RAPGEF6: variants seen among roughly 807,000 people sequenced by gnomAD.
The protein encoded by RAPGEF6 is PDZ domain containing guanine nucleotide exchange factor (GEF) 2.
RAPGEF6 carries 56 observed loss-of-function variants against 171.4 expected under a neutral mutation model. The observed-to-expected ratio is 0.33, with a 90% CI of 0.26 to 0.41. RAPGEF6 has a LOEUF of 0.41. Among genes scored for constraint, RAPGEF6 ranks in the 10% least tolerant of loss-of-function variants. RAPGEF6 has a pLI of 1.00. For synonymous variants in RAPGEF6, 692 were observed against 650.1 expected (o/e 1.06, Z -0.98); for missense variants, 1,674 against 1,921.4 (o/e 0.87, Z 2.41).
At chr5:131,607,920 T>C (rs985219979) in intron 1 of RAPGEF6, among the ~76,000 whole-genome samples, 1 of 152,058 alleles carries the variant, frequency 6.6e-6, no homozygotes, top group Admixed American at 6.5e-5. Context: ...AAAAGACAAA[T>C]ATATAAAACG....
chr5:131,491,516 A>T (rs997120016), intron 14 of RAPGEF6, among the ~76,000 whole-genome samples: 1 of 152,168 alleles, frequency 6.6e-6, no homozygotes, highest in Admixed American at 6.5e-5. Flanking sequence ...GTACATGAGA[A>T]TCATCTAGAG....
At chr5:131,608,387 TC>T (rs1421780610) in intron 1 of RAPGEF6, among the ~76,000 whole-genome samples, 2 of 152,198 alleles carry the variant, frequency 1.3e-5, no homozygotes, top group African/African-American at 2.4e-5. Flanking sequence ...TACAAATAGG[TC>T]TTCCTAAGGA....
chr5:131,578,001 C>T (rs541763619), intron 4 of RAPGEF6, among the ~76,000 whole-genome samples: 1 of 152,302 alleles, frequency 6.6e-6, no homozygotes, highest in Admixed American at 6.5e-5. Flanking sequence ...CTCCTATTCA[C>T]CATTCTCAAC....
chr5:131,633,988 A>G (rs1766474708), intron 1 of RAPGEF6, among the ~76,000 whole-genome samples: 1 of 152,248 alleles, frequency 6.6e-6, no homozygotes, highest in African/African-American at 2.4e-5. Flanking sequence ...GATCTTCAAT[A>G]ACATAATTTG....
chr5:131,492,117 T>C (rs1300689982), intron 14 of RAPGEF6, among the ~76,000 whole-genome samples: 1 of 152,234 alleles, frequency 6.6e-6, no homozygotes, highest in Non-Finnish European at 1.5e-5. Context: ...ACTTTGCTTA[T>C]GGATATAGTT....
chr5:131,487,783 T>C lies in RAPGEF6; in HGVS notation c.1840+1763A>G, dbSNP rs559927644. ...GTCACAGGTTTCCTTTTTGTAGGTG[T>C]CCTCACTGTAAGTTTGATACAGGAC... On this transcript the variant is annotated intron_variant, in intron 15 of 27. Coordinates refer to ENST00000509018, the MANE Select transcript of RAPGEF6 (RefSeq NM_016340.6). Among the ~76,000 whole-genome samples the C allele has an allele frequency of 3.3e-5, 5 of 152,324 alleles. No homozygotes were observed. The East Asian group carries it at 9.6e-4, about 29-fold the overall frequency.
intron 4 of RAPGEF6, among the ~76,000 whole-genome samples, chr5:131,566,324 T>C (rs1467237787): frequency 6.6e-6 from 1 of 152,210 alleles, no homozygotes; most frequent in Non-Finnish European, 1.5e-5. Context: ...TTTTTCTGCA[T>C]TTATTGAAAG....
intron 4 of RAPGEF6, among the ~76,000 whole-genome samples, chr5:131,569,290 T>C (rs1012672587): frequency 2.6e-5 from 4 of 152,102 alleles, no homozygotes; most frequent in South Asian, 2.1e-4. Context: ...ACGAACAAAG[T>C]TGTAAGACTT....
intron 4 of RAPGEF6, among the ~76,000 whole-genome samples, chr5:131,588,515 G>A (rs1467798149): frequency 1.3e-5 from 2 of 152,146 alleles, no homozygotes; most frequent in African/African-American, 2.4e-5. Context: ...GGCCAACGCA[G>A]GTGGATCACT....
chr5:131,625,660 A>C (rs1765872066), intron 1 of RAPGEF6, among the ~76,000 whole-genome samples: 1 of 152,010 alleles, frequency 6.6e-6, no homozygotes, highest in African/African-American at 2.4e-5. Context: ...CTAAAAATAC[A>C]AAAAAATTAG....
rs569030002 is a variant in RAPGEF6 at position 131,465,419 on chromosome 5, T to C, written c.2240-1138A>G. On this transcript the variant is annotated intron_variant, in intron 17 of 27. Coordinates refer to ENST00000509018, the MANE Select transcript of RAPGEF6 (RefSeq NM_016340.6). ...TAAATTTAAGTGAAAAGTGACTTTATAGCATGAACAAATGCTAAAAATTTT... is the reference window on the plus strand; with the variant it reads ...TAAATTTAAGTGAAAAGTGACTTTACAGCATGAACAAATGCTAAAAATTTT... Among the ~76,000 whole-genome samples the C allele has an allele frequency of 1.9e-3, 295 of 152,272 alleles. 1 individual carries two copies. The highest frequency in any genetic ancestry group is 3.4e-3 in the Non-Finnish European group (230 of 68,032).
At chr5:131,445,740 A>AT (rs1006610074) in intron 22 of RAPGEF6, among the ~76,000 whole-genome samples, 2 of 151,048 alleles carry the variant, frequency 1.3e-5, no homozygotes, top group African/African-American at 2.4e-5. Flanking sequence ...GATAATTTTA[A>AT]TTTTTTTTTG....
chr5:131,633,744 T>C (rs1580711775), intron 1 of RAPGEF6, among the ~76,000 whole-genome samples: 1 of 152,130 alleles, frequency 6.6e-6, no homozygotes, highest in African/African-American at 2.4e-5. Context: ...AAAAATAAAA[T>C]AACATTAAAT....
chr5:131,511,727 C>T (rs1227353921), intron 7 of RAPGEF6, among the ~76,000 whole-genome samples: 2 of 152,102 alleles, frequency 1.3e-5, no homozygotes, highest in East Asian at 3.9e-4. Context: ...TCTTGAACTC[C>T]TGGGCTCATG....
intron 1 of RAPGEF6, among the ~76,000 whole-genome samples, chr5:131,629,316 A>C (rs1022582504): frequency 3.3e-5 from 5 of 151,874 alleles, no homozygotes; most frequent in Admixed American, 6.6e-5. Flanking sequence ...TATCACTTAA[A>C]AGAAAAAAAA....
intron 1 of RAPGEF6, among the ~76,000 whole-genome samples, chr5:131,608,274 C>G (rs935882398): frequency 2.0e-5 from 3 of 152,054 alleles, no homozygotes; most frequent in Admixed American, 6.6e-5. Flanking sequence ...GTCTGTTAAC[C>G]CTGGATAAGA....
intron 5 of RAPGEF6, among the ~76,000 whole-genome samples, chr5:131,557,454 T>G (rs1761308485): frequency 6.6e-6 from 1 of 152,172 alleles, no homozygotes; most frequent in African/African-American, 2.4e-5. Flanking sequence ...ATGACATAAA[T>G]TTCAAAAGTT....
At chr5:131,505,633 G>A (rs1310032377) in intron 9 of RAPGEF6, 111 bp from the exon 10 acceptor site, 2 of 978,914 alleles carry the variant, frequency 2.0e-6, no homozygotes, top group African/African-American at 3.3e-5. Flanking sequence ...GAAAAAGGAG[G>A]ATCTGGTTAT....
At chr5:131,522,421 T>A (rs962126220) in intron 6 of RAPGEF6, among the ~76,000 whole-genome samples, 1 of 152,178 alleles carries the variant, frequency 6.6e-6, no homozygotes. Flanking sequence ...ATTTAATTTT[T>A]AAAATAGGGT....
Sources: gnomAD v4.1 joint callset for allele counts (sites outside exome capture counted in the v4.1 genomes callset) on GRCh38, gnomAD v4.1.1 for gene constraint, MANE v1.5 for transcripts, NCBI Gene and HGNC (gene_info 2026-07-23, HGNC 2026-07-21) for gene names.